The following GRM5 variants were observed in gnomAD, a reference collection of about 807,000 sequenced individuals.
GRM5 encodes glutamate metabotropic receptor 5, also known as metabotropic glutamate receptor 5.
A neutral mutation model predicts 83.1 loss-of-function variants in GRM5; 19 were observed. The ratio of observed to expected loss-of-function variants is 0.23; its 90% CI spans 0.16 to 0.34. The LOEUF is 0.34. Ranked by LOEUF, GRM5 falls within the 10% of genes least tolerant of loss-of-function variation. The pLI, the probability that GRM5 is intolerant of heterozygous loss-of-function variation, is 1.00. For synonymous variants in GRM5, 675 were observed against 633.6 expected, an observed-to-expected ratio of 1.07 and a Z score of -0.98; for missense variants, 1,160 against 1,588.3, an observed-to-expected ratio of 0.73 and a Z score of 4.58.
intron 2 of GRM5, among the ~76,000 whole-genome samples, chr11:89,014,576 A>C (rs764281722): frequency 6.6e-6 from 1 of 152,150 alleles, no homozygotes; most frequent in Non-Finnish European, 1.5e-5. Flanking sequence ...GGGTACAAAA[A>C]CAAAATAGAA....
chr11:88,995,983 A>G (rs1220974879), intron 2 of GRM5, among the ~76,000 whole-genome samples: 1 of 152,154 alleles, frequency 6.6e-6, no homozygotes, highest in East Asian at 1.9e-4. Context: ...AACCATAACC[A>G]AAGAAAGAAA....
In GRM5 at chr11:88,677,263, T is replaced by G. The variant is rs1940357597; in HGVS notation, c.912-23860A>C. On this transcript the variant is annotated intron_variant, in intron 3 of 9. Coordinates refer to ENST00000305447, the MANE Select transcript of GRM5 (RefSeq NM_001143831.3). ...AATGGGTAATGTTTTTCTTCCAATA[T>G]TCACTCCTGTCCTCTCCTGTAGTAA... 1.3e-5 allele frequency among the ~76,000 whole-genome samples: 2 copies of G among 152,094 alleles called. 1 individual carries two copies. The highest frequency in any genetic ancestry group is 1.3e-4 in the Admixed American group (2 of 15,230).
chr11:88,712,705 T>A (rs1941309962), intron 3 of GRM5, among the ~76,000 whole-genome samples: 1 of 152,032 alleles, frequency 6.6e-6, no homozygotes, highest in African/African-American at 2.4e-5. Context: ...ACGGGCCATG[T>A]CATTGATAGT....
chr11:88,630,740 G>C (rs1010520060), intron 4 of GRM5, among the ~76,000 whole-genome samples: 11 of 152,004 alleles, frequency 7.2e-5, no homozygotes, highest in African/African-American at 2.7e-4. Flanking sequence ...CACCATGACT[G>C]GCTAATTTTG....
chr11:89,009,635 G>A (rs1399255938), intron 2 of GRM5, among the ~76,000 whole-genome samples: 3 of 151,582 alleles, frequency 2.0e-5, no homozygotes, highest in East Asian at 1.9e-4. Context: ...GGTGGCTCAC[G>A]CCTGTAATCC....
chr11:88,938,629 T>G (rs1455438392), intron 2 of GRM5, among the ~76,000 whole-genome samples: 1 of 151,322 alleles, frequency 6.6e-6, no homozygotes, highest in African/African-American at 2.4e-5. Context: ...CAGCAAGCAG[T>G]AGAACCAAAT....
chr11:88,570,759 G>A (rs1942981638), intron 7 of GRM5, among the ~76,000 whole-genome samples: 1 of 150,442 alleles, frequency 6.6e-6, no homozygotes, highest in Non-Finnish European at 1.5e-5. Context: ...AGTAGAGACG[G>A]GATTTCACCA....
chr11:88,984,314 G>A (rs932185636), intron 2 of GRM5, among the ~76,000 whole-genome samples: 2 of 151,974 alleles, frequency 1.3e-5, no homozygotes, highest in African/African-American at 4.8e-5. Flanking sequence ...CCTTTTCTAT[G>A]TTTATATATG....
chr11:88,727,952 TCA>T (rs1941719540), intron 3 of GRM5, among the ~76,000 whole-genome samples: 1 of 151,756 alleles, frequency 6.6e-6, no homozygotes, highest in Non-Finnish European at 1.5e-5. Context: ...CACATTAACA[TCA>T]CAATTAAAAG....
intron 4 of GRM5, among the ~76,000 whole-genome samples, chr11:88,619,913 T>C (rs1031990243): frequency 6.6e-6 from 1 of 151,500 alleles, no homozygotes; most frequent in African/African-American, 2.4e-5. Flanking sequence ...AACATTGCAA[T>C]GAAAAAAAAA....
chr11:88,710,724 A>T (rs1591457261), intron 3 of GRM5, among the ~76,000 whole-genome samples: 1 of 151,934 alleles, frequency 6.6e-6, no homozygotes, highest in African/African-American at 2.4e-5. Flanking sequence ...GTGTGTGTGC[A>T]TGCATGCGTG....
chr11:89,034,150 T>C (rs1456096118), intron 2 of GRM5, among the ~76,000 whole-genome samples: 1 of 151,712 alleles, frequency 6.6e-6, no homozygotes, highest in South Asian at 2.1e-4. Context: ...TTGTTTAAAG[T>C]TGTATGCTAT....
At chr11:88,593,248 G>A (rs767745049) in intron 6 of GRM5, among the ~76,000 whole-genome samples, 2 of 152,094 alleles carry the variant, frequency 1.3e-5, no homozygotes, top group Non-Finnish European at 2.9e-5. Context: ...GAATGAAATC[G>A]CTGTTAAACC....
At position 89,018,952 on chromosome 11, in the gene GRM5, T is replaced by C. The variant is rs572398757; in HGVS notation, c.661+28260A>G. ...AAAGACTAAACTAATATTGATACAT[T>C]ATTATTAACTAAAGCCTATAGTTAG... On this transcript the variant is annotated intron_variant, in intron 2 of 9. Transcript: ENST00000305447. Among the ~76,000 whole-genome samples, 18 of 152,282 alleles carry C rather than the reference T, an allele frequency of 1.2e-4. No individual in the cohort carries two copies. The East Asian group carries it at 1.9e-3, about 16-fold the overall frequency.
intron 3 of GRM5, among the ~76,000 whole-genome samples, chr11:88,753,917 A>G (rs2135430491): frequency 6.6e-6 from 1 of 152,222 alleles, no homozygotes; most frequent in African/African-American, 2.4e-5. Context: ...CGTTTTTAAA[A>G]ACATCAGATC....
intron 8 of GRM5, among the ~76,000 whole-genome samples, chr11:88,545,171 T>A (rs997971664): frequency 1.3e-5 from 2 of 152,150 alleles, no homozygotes; most frequent in African/African-American, 4.8e-5. Context: ...ATGCTATCAC[T>A]TGTATCTGGG....
At chr11:88,546,724 A>G (rs1371557058) in intron 8 of GRM5, among the ~76,000 whole-genome samples, 1 of 152,076 alleles carries the variant, frequency 6.6e-6, no homozygotes, top group East Asian at 1.9e-4. Flanking sequence ...ATTTCATGCT[A>G]ATGAGATTCA....
chr11:89,045,709 C>T (rs568050512), intron 2 of GRM5, among the ~76,000 whole-genome samples: 62 of 152,198 alleles, frequency 4.1e-4, no homozygotes, highest in East Asian at 9.7e-4. Flanking sequence ...CTTGCCACAC[C>T]GTGACCAAGC....
intron 8 of GRM5, among the ~76,000 whole-genome samples, chr11:88,566,128 A>G (rs1336437889): frequency 1.3e-5 from 2 of 152,214 alleles, no homozygotes; most frequent in African/African-American, 4.8e-5. Flanking sequence ...AAGAGTTAGC[A>G]GGGCTGATGT....
Sources: allele counts gnomAD v4.1 joint callset (sites outside exome capture counted in the v4.1 genomes callset), GRCh38; gene constraint gnomAD v4.1.1; transcripts MANE v1.5; gene names NCBI Gene and HGNC (gene_info 2026-07-23, HGNC 2026-07-21).